Variants in PMF1 observed in about 807,000 individuals in gnomAD.
PMF1 encodes the protein polyamine-modulated factor 1.
In PMF1, 21 loss-of-function variants were observed where a neutral mutation model predicts 26.7. That is an observed-to-expected ratio of 0.79 (90% CI 0.56 to 1.13). PMF1 has a LOEUF of 1.13. Among genes scored for constraint, PMF1 ranks in the 50% most tolerant of loss-of-function variants. PMF1 has a pLI of 0.00. For missense variants in PMF1, 266 were observed against 254.9 expected (o/e 1.04, Z -0.30); for synonymous variants, 105 against 101.0 (o/e 1.04, Z -0.24).
Position 156,236,398 on chromosome 1 carries a change from A to T in PMF1, c.479A>T (p.Gln160Leu). 6.2e-7 allele frequency: 1 copy of T among 1,614,194 alleles called. No individual in the cohort carries two copies. Among genetic ancestry groups the T allele is most frequent in the Non-Finnish European group, 8.5e-7 (1 of 1,180,014 alleles). ...RHVQKQEAEN[Q>L]QLADAVLAGR... ...GTGCAGAAACAGGAGGCCGAGAACC[A>T]GCAGCTGGCAGATGCCGTCCTGGCA... The change falls in exon 4 of 5, where the codon CAG becomes CTG. Residue 160 changes from glutamine to leucine, a missense_variant. Coordinates refer to ENST00000368277, the MANE Select transcript of PMF1 (RefSeq NM_007221.4).
chr1:156,220,726 G>T (rs1658035581), intron 1 of PMF1: 1 of 151,656 alleles, frequency 6.6e-6, no homozygotes, highest in African/African-American at 2.4e-5. Context: ...GCGTGATCTC[G>T]GCTCATGGCA....
chr1:156,225,705 G>A (rs1271027762), intron 1 of PMF1: 1 of 1,011,728 alleles, frequency 9.9e-7, no homozygotes, highest in South Asian at 1.4e-5. Context: ...CCTTAGCACT[G>A]TGTACACCGT....
intron 1 of PMF1, among the ~76,000 whole-genome samples, chr1:156,218,640 G>C (rs1657907897): frequency 6.6e-6 from 1 of 151,984 alleles, no homozygotes; most frequent in Non-Finnish European, 1.5e-5. Flanking sequence ...AAATTAGCCA[G>C]GCATGGTGGC....
intron 1 of PMF1, among the ~76,000 whole-genome samples, chr1:156,214,750 GAAA>G (rs796137947): frequency 8.0e-6 from 1 of 125,450 alleles, no homozygotes; most frequent in African/African-American, 2.9e-5. Context: ...CTCTAAAAAA[GAAA>G]AAAAAAAAAG....
chr1:156,225,417 T>A, intron 1 of PMF1: 1 of 545,122 alleles, frequency 1.8e-6, no homozygotes, highest in Non-Finnish European at 3.5e-6. Flanking sequence ...GTGTACACTA[T>A]ACCCAGTATG....
rs1178149427 is a variant in PMF1, at chr1:156,236,436, G to A, written c.517G>A (p.Val173Met). The A allele has an allele frequency of 6.2e-7, 1 of 1,614,092 alleles. No homozygotes were observed. Among genetic ancestry groups the A allele is most frequent in the Non-Finnish European group, 8.5e-7 (1 of 1,179,956 alleles). The change falls in exon 4 of 5, where the codon GTG (valine) becomes ATG (methionine). Residue 173 changes from valine to methionine, a missense_variant. Val to Met is a conservative substitution (Grantham distance 21). Transcript: ENST00000368277. ...ADAVLAGRRQ[V>M]EELQLQVQAQ... ...TGCCGTCCTGGCAGGGCGGAGGCAGGTGGAGGAGCTGCAGCTACAGGTCCA... is the reference window on the plus strand; with the variant it reads ...TGCCGTCCTGGCAGGGCGGAGGCAGATGGAGGAGCTGCAGCTACAGGTCCA...
chr1:156,222,750 C>T (rs938920074), intron 1 of PMF1, among the ~76,000 whole-genome samples: 1 of 152,140 alleles, frequency 6.6e-6, no homozygotes, highest in African/African-American at 2.4e-5. Flanking sequence ...CTCCTAACCT[C>T]AGGTGATCCG....
intron 4 of PMF1, among the ~76,000 whole-genome samples, chr1:156,238,937 G>A (rs902110673): frequency 2.0e-5 from 3 of 151,406 alleles, no homozygotes; most frequent in Non-Finnish European, 4.4e-5. Flanking sequence ...GTTGTGTCTT[G>A]GGCACTCCCA....
chr1:156,230,735 A>AG (rs1330710329), intron 1 of PMF1, among the ~76,000 whole-genome samples: 1 of 152,128 alleles, frequency 6.6e-6, no homozygotes, highest in Non-Finnish European at 1.5e-5. Flanking sequence ...ATCAGTGAGG[A>AG]GCTCTCAGCT....
At chr1:156,224,898 G>T (rs1272633977) in intron 1 of PMF1, among the ~76,000 whole-genome samples, 1 of 136,114 alleles carries the variant, frequency 7.3e-6, no homozygotes, top group Non-Finnish European at 1.6e-5. Context: ...ACCAAATGGA[G>T]AATTTTTTTT....
Position 156,232,395 on chromosome 1 carries a change from G to A in PMF1, c.237G>A (p.Lys79=), listed in dbSNP as rs1316145723. Reference sequence around the variant, plus strand: ...CGATGACACAGCAAATCTATGACAAGTTTATAGCTCAGTTGCAGACATCTA... The same window carrying A: ...CGATGACACAGCAAATCTATGACAAATTTATAGCTCAGTTGCAGACATCTA... ...QPAMTQQIYD[K]FIAQLQTSIR... is the part of the protein sequence containing the mutation. Residue 79 remains lysine (K), a synonymous_variant, in exon 2 of 5, where the codon AAG becomes AAA. Coordinates refer to ENST00000368277, the MANE Select transcript of PMF1 (RefSeq NM_007221.4). 1.2e-6 allele frequency: 2 copies of A among 1,614,002 alleles called. No homozygotes were observed. The highest frequency in any genetic ancestry group is 1.3e-5 in the African/African-American group (1 of 75,072).
intron 1 of PMF1, among the ~76,000 whole-genome samples, chr1:156,214,470 A>C (rs1173858280): frequency 6.6e-6 from 1 of 152,174 alleles, no homozygotes; most frequent in Non-Finnish European, 1.5e-5. Context: ...CTCATCAAAT[A>C]TTTGAGTGTC....
rs2103131553 is a variant in PMF1, at chr1:156,236,501, C to T, written c.564+18C>T. On this transcript the variant is annotated intron_variant, in intron 4 of 4. Transcript: ENST00000368277. The stretch of plus-strand genomic sequence containing the variant: ...CCTGGCAGGTCAGTGTCCCAGCCTG[C>T]CTCTTCCTCTTCCTTCTCTAATGGG... The T allele has an allele frequency of 1.3e-6, 2 of 1,582,528 alleles. No individual in the cohort carries two copies. The highest frequency in any genetic ancestry group is 1.1e-5 in the South Asian group (1 of 88,286).
intron 1 of PMF1, among the ~76,000 whole-genome samples, chr1:156,216,609 G>A (rs923885835): frequency 6.6e-6 from 1 of 151,740 alleles, no homozygotes; most frequent in African/African-American, 2.4e-5. Context: ...CCCGACTCCC[G>A]GTGCCGGCCC....
intron 1 of PMF1, among the ~76,000 whole-genome samples, chr1:156,229,185 G>A (rs1658556113): frequency 6.6e-6 from 1 of 152,164 alleles, no homozygotes; most frequent in African/African-American, 2.4e-5. Flanking sequence ...TAGGAATACA[G>A]GCGTGAGCCA....
chr1:156,238,094 A>G (rs1405066535), intron 4 of PMF1, among the ~76,000 whole-genome samples: 1 of 152,110 alleles, frequency 6.6e-6, no homozygotes, highest in African/African-American at 2.4e-5. Context: ...CCATAAGTAT[A>G]TGGATTTATT....
chr1:156,236,384 G>A lies in PMF1; in HGVS notation c.465G>A (p.Gln155=). ...RDTLRRHVQK[Q]EAENQQLADA... ...CCCTGCGGCGCCATGTGCAGAAACA[G>A]GAGGCCGAGAACCAGCAGCTGGCAG... The change falls in exon 4 of 5, where the codon CAG becomes CAA. Residue 155 remains glutamine (Q), a synonymous_variant. Transcript: ENST00000368277. 6.2e-7 allele frequency: 1 copy of A among 1,614,248 alleles called. No individual in the cohort carries two copies. Among genetic ancestry groups the A allele is most frequent in the Non-Finnish European group, 8.5e-7 (1 of 1,180,032 alleles).
At chr1:156,228,259 T>TTTTTC in intron 1 of PMF1, among the ~76,000 whole-genome samples, 1 of 136,112 alleles carries the variant, frequency 7.3e-6, no homozygotes, top group Non-Finnish European at 1.6e-5. Context: ...CCTGGCGATT[T>TTTTTC]TTTTTTTTTT....
rs1005640681 is a variant in PMF1 at position 156,236,140 on chromosome 1, A to T, written c.369-148A>T. 5.7e-5 allele frequency: 56 copies of T among 978,658 alleles called. No individual in the cohort carries two copies. The Admixed American group carries it at 1.4e-3, about 24-fold the overall frequency. 60.6% of individuals were successfully genotyped at this position (978,658 alleles called of 1,614,324 possible). The stretch of plus-strand genomic sequence containing the variant: ...ATTCCTACGAGGAACAGGTCTTGGG[A>T]GGTGAGAGGGACCACAGGAGAGACC... On this transcript the variant is annotated intron_variant, in intron 3 of 4. Coordinates refer to ENST00000368277, the MANE Select transcript of PMF1 (RefSeq NM_007221.4).
Sources: allele counts gnomAD v4.1 joint callset (sites outside exome capture counted in the v4.1 genomes callset), GRCh38; gene constraint gnomAD v4.1.1; transcripts MANE v1.5; gene names NCBI Gene and HGNC (gene_info 2026-07-23, HGNC 2026-07-21).